Variants in MED4 observed in about 807,000 individuals in gnomAD.
MED4 encodes the protein mediator of RNA polymerase II transcription subunit 4.
MED4 carries 21 observed loss-of-function variants against 35.0 expected under a neutral mutation model. The ratio of observed to expected loss-of-function variants is 0.60; its 90% CI spans 0.43 to 0.86. MED4 has a LOEUF of 0.86. Ranked by LOEUF, MED4 falls within the 40% of genes least tolerant of loss-of-function variation. The pLI is 0.00. For synonymous variants in MED4, 138 were observed against 114.0 expected, an observed-to-expected ratio of 1.21 and a Z score of -1.34; for missense variants, 300 against 319.4, an observed-to-expected ratio of 0.94 and a Z score of 0.46.
At chr13:48,088,178 T>C (rs1306831628) in intron 2 of MED4, among the ~76,000 whole-genome samples, 1 of 152,250 alleles carries the variant, frequency 6.6e-6, no homozygotes, top group African/African-American at 2.4e-5. Flanking sequence ...AGAATTAAGA[T>C]GCAAGTCTAG....
At chr13:48,083,050 T>A (rs921525277) in intron 4 of MED4, among the ~76,000 whole-genome samples, 9 of 152,208 alleles carry the variant, frequency 5.9e-5, no homozygotes, top group Non-Finnish European at 1.0e-4. Flanking sequence ...CCTTCAAGAT[T>A]TGGTACAAAT....
At position 48,086,369 on chromosome 13, in the gene MED4, T is replaced by C. The variant is rs757761490; in HGVS notation, c.276A>G (p.Glu92=). The change falls in exon 3 of 7, where the codon GAA becomes GAG. Residue 92 remains glutamate, a synonymous_variant. Coordinates refer to ENST00000258648, the MANE Select transcript of MED4 (RefSeq NM_014166.4). The part of the protein sequence containing the change: ...LALNQGKIHH[E]MQVLEKEVEK... The stretch of plus-strand genomic sequence containing the variant: ...CTACTTCTTTTTCTAAAACTTGCAT[T>C]TCATGATGAATTTTTCCCTGATTAA... 4 of 1,613,836 alleles carry C rather than the reference T, an allele frequency of 2.5e-6. No individual in the cohort carries two copies. Among genetic ancestry groups the C allele is most frequent in the Non-Finnish European group, 3.4e-6 (4 of 1,179,886 alleles).
At chr13:48,083,682 TGTC>T (rs575799465) in intron 3 of MED4, among the ~76,000 whole-genome samples, 38 of 152,196 alleles carry the variant, frequency 2.5e-4, no homozygotes, top group Non-Finnish European at 4.7e-4. Flanking sequence ...TAAATTGGAT[TGTC>T]TTTTTCTTCA....
intron 2 of MED4, among the ~76,000 whole-genome samples, chr13:48,089,657 G>A (rs1360789470): frequency 6.6e-6 from 1 of 152,152 alleles, no homozygotes; most frequent in Non-Finnish European, 1.5e-5. Flanking sequence ...GAGGATAAGT[G>A]GGAGATCGCT....
rs776070218 is a variant in MED4, at chr13:48,095,100, G to T, written c.-22C>A. On this transcript the variant is annotated 5_prime_UTR_variant, in exon 1 of 7. Transcript: ENST00000258648. ...CCATTTTCCCCAGAGTCCCGCCACC[G>T]GCGCACGCGCAGAGCGAGCTGACGC... is the stretch of plus-strand genomic sequence containing the variant. The T allele has an allele frequency of 6.2e-7, 1 of 1,600,568 alleles. No homozygotes were observed. The highest frequency in any genetic ancestry group is 8.5e-7 in the Non-Finnish European group (1 of 1,179,542).
At position 48,077,126 on chromosome 13, in the gene MED4, C is replaced by T; in HGVS notation, c.*13G>A. The T allele has an allele frequency of 6.3e-7, 1 of 1,590,314 alleles. No homozygotes were observed. Among genetic ancestry groups the T allele is most frequent in the Non-Finnish European group, 8.5e-7 (1 of 1,169,720 alleles). ...TACAGTATTCAATTCTGTATATTGT[C>T]TTTTAAGGTTTTTCAATCAGACTCA... On this transcript the variant is annotated 3_prime_UTR_variant, in exon 7 of 7. Transcript: ENST00000258648.
At chr13:48,089,409 G>A (rs1381662790) in intron 2 of MED4, among the ~76,000 whole-genome samples, 2 of 152,212 alleles carry the variant, frequency 1.3e-5, no homozygotes, top group African/African-American at 2.4e-5. Context: ...TCTTTAGAAA[G>A]GTTAATCCTC....
In MED4 at chr13:48,077,052, T is replaced by G. The variant is rs184569354; in HGVS notation, c.*87A>C. On this transcript the variant is annotated 3_prime_UTR_variant, in exon 7 of 7. Coordinates refer to ENST00000258648, the MANE Select transcript of MED4 (RefSeq NM_014166.4). ...AGCCAGTGTTTACCTGGGTATTTTT[T>G]GTCACCTGTAGTTTACATTTCCCTG... 9 of 1,194,474 alleles carry G rather than the reference T, an allele frequency of 7.5e-6. 1 individual carries two copies. In the Admixed American group the frequency reaches 2.0e-4, roughly 26 times the overall value. 74.0% of individuals were successfully genotyped at this position (1,194,474 alleles called of 1,614,324 possible). A position where few individuals can be genotyped will look rare whatever the true frequency, so the allele number is the denominator to read the frequency against.
intron 1 of MED4, among the ~76,000 whole-genome samples, chr13:48,093,866 T>C (rs1362269770): frequency 6.6e-6 from 1 of 152,218 alleles, no homozygotes; most frequent in Non-Finnish European, 1.5e-5. Flanking sequence ...ATCACGTATA[T>C]TTTAAAATAC....
At chr13:48,094,383 C>T (rs887849742) in intron 1 of MED4, among the ~76,000 whole-genome samples, 3 of 152,198 alleles carry the variant, frequency 2.0e-5, no homozygotes, top group Non-Finnish European at 4.4e-5. Context: ...CTATCTCTGA[C>T]ACACAACCAT....
chr13:48,088,317 T>C (rs1180310521), intron 2 of MED4, among the ~76,000 whole-genome samples: 1 of 152,250 alleles, frequency 6.6e-6, no homozygotes, highest in Non-Finnish European at 1.5e-5. Flanking sequence ...GGTATGCCTC[T>C]TCAAGATCCT....
At chr13:48,083,537 T>C (rs1950826132) in intron 3 of MED4, 109 bp from the exon 4 acceptor site, 4 of 736,894 alleles carry the variant, frequency 5.4e-6, no homozygotes, top group Non-Finnish European at 6.6e-6. Flanking sequence ...TCTTTGAAAC[T>C]TGGAAATCCC....
rs771108735 is a variant in MED4, at chr13:48,095,061, A to G, written c.18T>C (p.Ser6=). 6.2e-6 allele frequency: 10 copies of G among 1,604,444 alleles called. No individual in the cohort carries two copies. Among genetic ancestry groups the G allele is most frequent in the Non-Finnish European group, 7.6e-6 (9 of 1,179,798 alleles). The change falls in exon 1 of 7, where the codon AGT becomes AGC. Residue 6 remains serine, a synonymous_variant. Coordinates refer to ENST00000258648, the MANE Select transcript of MED4 (RefSeq NM_014166.4). ...CCAGCCGCTCCTTCTCCTTCTCACC[A>G]CTCGAAGACGCAGCCATTTTCCCCA... MAASS[S]GEKEKERLGG... is the part of the protein sequence containing the mutation.
rs1950762192 is a variant in MED4, at chr13:48,076,801, T to C, written c.*338A>G. 5.5e-6 allele frequency: 1 copy of C among 180,472 alleles called. No individual in the cohort carries two copies. Among genetic ancestry groups the C allele is most frequent in the Non-Finnish European group, 1.2e-5 (1 of 86,786 alleles). 11.2% of individuals were successfully genotyped at this position (180,472 alleles called of 1,614,324 possible). A position where few individuals can be genotyped will look rare whatever the true frequency, so the allele number is the denominator to read the frequency against. The stretch of plus-strand genomic sequence containing the variant: ...TTCCAAGAAGCCTATTAGTGATATG[T>C]ATATGGATAATTTCCCTCAACTCTA... On this transcript the variant is annotated 3_prime_UTR_variant, in exon 7 of 7. Coordinates refer to ENST00000258648, the MANE Select transcript of MED4 (RefSeq NM_014166.4).
At chr13:48,080,660 T>C (rs188104926) in intron 5 of MED4, among the ~76,000 whole-genome samples, 1 of 151,920 alleles carries the variant, frequency 6.6e-6, no homozygotes, top group Admixed American at 6.6e-5. Flanking sequence ...ATGATTATGC[T>C]GCAAGGGAGA....
At chr13:48,092,506 A>G (rs1057448078) in intron 1 of MED4, among the ~76,000 whole-genome samples, 1 of 152,204 alleles carries the variant, frequency 6.6e-6, no homozygotes, top group African/African-American at 2.4e-5. Context: ...CTGTTGAGTG[A>G]TCTGGTAAAT....
At chr13:48,079,063 CAAAT>C (rs1351537706) in intron 6 of MED4, among the ~76,000 whole-genome samples, 1 of 151,882 alleles carries the variant, frequency 6.6e-6, no homozygotes, top group Non-Finnish European at 1.5e-5. Flanking sequence ...TAATATAAAA[CAAAT>C]ATATATAAAA....
chr13:48,084,849 T>C (rs969082191), intron 3 of MED4, among the ~76,000 whole-genome samples: 6 of 150,916 alleles, frequency 4.0e-5, no homozygotes, highest in African/African-American at 1.5e-4. Flanking sequence ...TTTTAATATA[T>C]ATATAATATA....
At chr13:48,087,325 T>C (rs1009133848) in intron 2 of MED4, among the ~76,000 whole-genome samples, 9 of 151,898 alleles carry the variant, frequency 5.9e-5, no homozygotes, top group African/African-American at 1.4e-4. Context: ...GATCGCGCCA[T>C]TGCACTCCAG....
Sources: allele counts gnomAD v4.1 joint callset (sites outside exome capture counted in the v4.1 genomes callset), GRCh38; gene constraint gnomAD v4.1.1; transcripts MANE v1.5; gene names NCBI Gene and HGNC (gene_info 2026-07-23, HGNC 2026-07-21).